Variants in SPATA17 observed in about 807,000 individuals in gnomAD.
SPATA17 encodes spermatogenesis-associated protein 17.
SPATA17 carries 53 observed loss-of-function variants against 62.2 expected under a neutral mutation model. The ratio of observed to expected loss-of-function variants is 0.85; its 90% CI spans 0.68 to 1.07. SPATA17 has a LOEUF of 1.07. Ranked by LOEUF, SPATA17 falls within the 50% of genes least tolerant of loss-of-function variation. The pLI is 0.00. For synonymous variants in SPATA17, 146 were observed against 146.8 expected (o/e 0.99, Z 0.04); for missense variants, 466 against 425.5 (o/e 1.10, Z -0.84).
intron 9 of SPATA17, among the ~76,000 whole-genome samples, chr1:217,816,876 T>C (rs1674729946): frequency 6.6e-6 from 1 of 152,096 alleles, no homozygotes; most frequent in African/African-American, 2.4e-5. Context: ...TAAAGTGTTA[T>C]TCTCTCAGCA....
intron 9 of SPATA17, among the ~76,000 whole-genome samples, chr1:217,847,758 A>T (rs1675560626): frequency 6.6e-6 from 1 of 152,178 alleles, no homozygotes; most frequent in Non-Finnish European, 1.5e-5. Flanking sequence ...GACATTAAAA[A>T]TATGACATCA....
intron 5 of SPATA17, among the ~76,000 whole-genome samples, chr1:217,706,961 G>T (rs940587410): frequency 6.6e-6 from 1 of 151,664 alleles, no homozygotes; most frequent in Admixed American, 6.6e-5. Flanking sequence ...CCGCCTCCCG[G>T]GTTCAAGCCA....
chr1:217,664,051 C>T lies in SPATA17; in HGVS notation c.241-4982C>T, dbSNP rs192428950. On this transcript the variant is annotated intron_variant, in intron 3 of 10. Coordinates refer to ENST00000366933, the MANE Select transcript of SPATA17 (RefSeq NM_138796.4). The stretch of plus-strand genomic sequence containing the variant: ...TATAAATTAAGCCTCCAGGGCTTTA[C>T]GGAGAAGAATTTGCAGTCTGGGCTT... Among the ~76,000 whole-genome samples the T allele has an allele frequency of 7.3e-4, 111 of 151,588 alleles. 1 individual carries two copies. Among genetic ancestry groups the T allele is most frequent in the Admixed American group, 6.6e-3 (99 of 15,096 alleles).
At position 217,819,621 on chromosome 1, in the gene SPATA17, TC is replaced by T. The variant is rs1042049310; in HGVS notation, c.1005+17775del. On this transcript the variant is annotated intron_variant, in intron 9 of 10. Transcript: ENST00000366933. ...CCTATAACCTTTAGTAAGCTTTCTC[TC>T]CCCTTGCATTTTACACCCAAAGGTT... 2.6e-5 allele frequency among the ~76,000 whole-genome samples: 4 copies of T among 152,156 alleles called. No individual in the cohort carries two copies. In the South Asian group the frequency reaches 6.2e-4, roughly 24 times the overall value.
At chr1:217,682,027 T>C (rs1185123633) in intron 4 of SPATA17, among the ~76,000 whole-genome samples, 5 of 152,128 alleles carry the variant, frequency 3.3e-5, no homozygotes, top group Non-Finnish European at 7.4e-5. Flanking sequence ...GAATGATTTA[T>C]GATACGTGAG....
intron 8 of SPATA17, among the ~76,000 whole-genome samples, chr1:217,793,144 A>T (rs576469392): frequency 1.1e-4 from 17 of 152,036 alleles, no homozygotes; most frequent in Admixed American, 1.1e-3. Flanking sequence ...GTGGTGGAAT[A>T]ATCCCTCAGG....
In SPATA17 at chr1:217,751,386, A is replaced by G. The variant is rs1409968549; in HGVS notation, c.519+9288A>G. Among the ~76,000 whole-genome samples, 5 of 152,140 alleles carry G rather than the reference A, an allele frequency of 3.3e-5. No homozygotes were observed. The East Asian group carries it at 9.6e-4, about 29-fold the overall frequency. ...TCAAGATTACATAGAGATCTGACCC[A>G]CGATCTTTGGATCCATAGTTTAAGA... On this transcript the variant is annotated intron_variant, in intron 6 of 10. Transcript: ENST00000366933.
chr1:217,823,476 G>A (rs1022258672), intron 9 of SPATA17, among the ~76,000 whole-genome samples: 36 of 151,662 alleles, frequency 2.4e-4, no homozygotes, highest in Admixed American at 4.6e-4. Flanking sequence ...TATTTTTTTA[G>A]CATGTGGCAG....
intron 8 of SPATA17, among the ~76,000 whole-genome samples, chr1:217,790,542 G>A (rs1673971919): frequency 1.3e-5 from 2 of 152,036 alleles, no homozygotes; most frequent in African/African-American, 4.8e-5. Context: ...CCGGGTTCAC[G>A]CCATTCTCCT....
chr1:217,858,228 A>T (rs1052601199), intron 9 of SPATA17, among the ~76,000 whole-genome samples: 5 of 152,212 alleles, frequency 3.3e-5, no homozygotes, highest in Non-Finnish European at 5.9e-5. Flanking sequence ...TCTGCTGATG[A>T]CATGGTATCA....
intron 5 of SPATA17, among the ~76,000 whole-genome samples, chr1:217,700,159 A>G (rs1425531902): frequency 2.0e-5 from 3 of 151,784 alleles, no homozygotes; most frequent in Non-Finnish European, 4.4e-5. Context: ...TTGCTTTTCC[A>G]TATATATTTT....
intron 6 of SPATA17, among the ~76,000 whole-genome samples, chr1:217,758,316 T>C (rs970157394): frequency 2.0e-5 from 3 of 152,180 alleles, no homozygotes; most frequent in African/African-American, 7.2e-5. Context: ...AATGACTACA[T>C]GACACTATCG....
intron 9 of SPATA17, among the ~76,000 whole-genome samples, chr1:217,849,967 T>C (rs1266526882): frequency 6.6e-5 from 10 of 152,146 alleles, no homozygotes; most frequent in Non-Finnish European, 2.9e-5. Flanking sequence ...GTAAGTCTAG[T>C]ACCACTCCCT....
chr1:217,637,006 C>T (rs1268396484), intron 1 of SPATA17, among the ~76,000 whole-genome samples: 1 of 152,122 alleles, frequency 6.6e-6, no homozygotes, highest in East Asian at 1.9e-4. Flanking sequence ...ACAGAGAAAC[C>T]AGTGGCTGAG....
intron 3 of SPATA17, among the ~76,000 whole-genome samples, chr1:217,652,419 A>C (rs999979336): frequency 1.3e-5 from 2 of 152,060 alleles, no homozygotes; most frequent in Non-Finnish European, 2.9e-5. Flanking sequence ...TTTTTAGTAG[A>C]GACAGGGTTT....
Position 217,774,533 on chromosome 1 carries a change from G to A in SPATA17, c.719G>A (p.Cys240Tyr), listed in dbSNP as rs748126647. The A allele has an allele frequency of 1.3e-5, 21 of 1,613,046 alleles. No homozygotes were observed. Among genetic ancestry groups the A allele is most frequent in the Non-Finnish European group, 1.6e-5 (19 of 1,179,436 alleles). ...EILPPINRKQCQGPFRDITEV... is the reference protein window; with the variant it reads ...EILPPINRKQYQGPFRDITEV... ...CTACCACCTATTAATAGAAAGCAAT[G>A]TCAGGTACTAGTTTGCTGTATAAGA... is the stretch of plus-strand genomic sequence containing the variant. The change falls in exon 7 of 11, where the codon TGT becomes TAT. Residue 240 changes from cysteine (C) to tyrosine (Y), a missense_variant. Transcript: ENST00000366933.
intron 5 of SPATA17, among the ~76,000 whole-genome samples, chr1:217,735,315 T>C (rs1376833561): frequency 1.3e-5 from 2 of 152,216 alleles, no homozygotes; most frequent in Non-Finnish European, 2.9e-5. Context: ...AGGGCACTCT[T>C]CTTTGTTTGC....
chr1:217,777,812 A>G (rs1021879174), intron 7 of SPATA17, among the ~76,000 whole-genome samples: 1 of 152,148 alleles, frequency 6.6e-6, no homozygotes, highest in African/African-American at 2.4e-5. Context: ...GCAAGGGGAC[A>G]AAAGAGAGAT....
chr1:217,862,722 A>G lies in SPATA17; in HGVS notation c.1006-52A>G, dbSNP rs1188553155. ...TCTAAATAATAACAATAATGGTAAT[A>G]ACATAAAATCATGAAGATCTCTGTG... On this transcript the variant is annotated intron_variant, in intron 9 of 10. Transcript: ENST00000366933. 3 of 1,266,308 alleles carry G rather than the reference A, an allele frequency of 2.4e-6. No individual in the cohort carries two copies. The African/African-American group carries it at 4.5e-5, about 19-fold the overall frequency. The allele number at this position is 1,266,308 out of a possible 1,614,324, so 78.4% of individuals were successfully genotyped here.
Sources: allele counts gnomAD v4.1 joint callset (sites outside exome capture counted in the v4.1 genomes callset), GRCh38; gene constraint gnomAD v4.1.1; transcripts MANE v1.5; gene names NCBI Gene and HGNC (gene_info 2026-07-23, HGNC 2026-07-21).